Variants in MYRIP observed in about 807,000 individuals in gnomAD.
The protein encoded by MYRIP is rab effector MyRIP.
In MYRIP, 49 loss-of-function variants were observed where a neutral mutation model predicts 98.0. That is an observed-to-expected ratio of 0.50 (90% CI 0.40 to 0.63). MYRIP has a LOEUF of 0.63. Among genes scored for constraint, MYRIP ranks in the 30% least tolerant of loss-of-function variants. The probability of loss-of-function intolerance (pLI) is 0.00; values close to 1 mark genes in which losing one functional copy is unlikely to be tolerated. For missense variants in MYRIP, 1,004 were observed against 1,058.2 expected (o/e 0.95, Z 0.71); for synonymous variants, 404 against 409.5 (o/e 0.99, Z 0.16).
At chr3:40,077,235 C>T (rs1948364358) in intron 3 of MYRIP, among the ~76,000 whole-genome samples, 1 of 152,108 alleles carries the variant, frequency 6.6e-6, no homozygotes, top group African/African-American at 2.4e-5. Context: ...AGATTTATTG[C>T]AAAGAGCGAA....
At chr3:40,217,309 G>A (rs1952153692) in intron 11 of MYRIP, among the ~76,000 whole-genome samples, 1 of 152,080 alleles carries the variant, frequency 6.6e-6, no homozygotes, top group Non-Finnish European at 1.5e-5. Context: ...ATTCATGAGT[G>A]AATAGACATC....
intron 3 of MYRIP, among the ~76,000 whole-genome samples, chr3:40,119,923 A>AAATAAAT (rs1559408547): frequency 4.6e-4 from 70 of 151,806 alleles, no homozygotes; most frequent in African/African-American, 1.4e-3. Context: ...TAATAATAAT[A>AAATAAAT]AAATAAATAA....
At chr3:40,071,908 C>T (rs1010783750) in intron 3 of MYRIP, among the ~76,000 whole-genome samples, 26 of 152,292 alleles carry the variant, frequency 1.7e-4, no homozygotes, top group African/African-American at 5.8e-4. Context: ...AGGGAGCTGG[C>T]CGGTTCTCTG....
intron 1 of MYRIP, among the ~76,000 whole-genome samples, chr3:39,862,607 A>G (rs530780381): frequency 3.3e-5 from 5 of 152,374 alleles, no homozygotes; most frequent in African/African-American, 9.6e-5. Context: ...TATCCTAAAT[A>G]TATACACATC....
chr3:39,954,707 G>A (rs868211386), intron 2 of MYRIP, among the ~76,000 whole-genome samples: 24 of 151,838 alleles, frequency 1.6e-4, no homozygotes, highest in Non-Finnish European at 2.8e-4. Flanking sequence ...TCAGACAATC[G>A]GTAATAACAA....
intron 1 of MYRIP, among the ~76,000 whole-genome samples, chr3:39,899,568 A>T (rs1239840367): frequency 6.6e-6 from 1 of 152,154 alleles, no homozygotes; most frequent in Admixed American, 6.5e-5. Context: ...TATTTTTAAG[A>T]TTATATCTGA....
At chr3:39,835,724 C>G (rs1243253353) in intron 1 of MYRIP, among the ~76,000 whole-genome samples, 1 of 152,130 alleles carries the variant, frequency 6.6e-6, no homozygotes, top group Non-Finnish European at 1.5e-5. Flanking sequence ...GGTATTTCTC[C>G]TAATGCTATC....
intron 1 of MYRIP, among the ~76,000 whole-genome samples, chr3:39,861,715 G>A (rs983271452): frequency 3.9e-5 from 6 of 152,044 alleles, no homozygotes; most frequent in African/African-American, 1.4e-4. Context: ...AGTATTAAGA[G>A]CAGAATCAAC....
chr3:40,244,765 C>A, intron 13 of MYRIP, 158 bp downstream of exon 13: 1 of 824,216 alleles, frequency 1.2e-6, no homozygotes, highest in Non-Finnish European at 1.8e-6. Flanking sequence ...CCACCAAATT[C>A]TCCCTTTAAA....
chr3:40,123,426 G>A (rs572473255), intron 3 of MYRIP, among the ~76,000 whole-genome samples: 1 of 152,342 alleles, frequency 6.6e-6, no homozygotes, highest in Non-Finnish European at 1.5e-5. Context: ...CTCAGAGACT[G>A]TGGCTGGAGC....
intron 13 of MYRIP, among the ~76,000 whole-genome samples, chr3:40,247,083 T>G (rs1953230165): frequency 6.6e-6 from 1 of 152,248 alleles, no homozygotes; most frequent in African/African-American, 2.4e-5. Context: ...AAATACTTCT[T>G]GAATGATTTT....
chr3:39,996,777 T>A (rs576521714), intron 2 of MYRIP, among the ~76,000 whole-genome samples: 2 of 152,152 alleles, frequency 1.3e-5, no homozygotes, highest in Admixed American at 6.6e-5. Context: ...GACCACAGGG[T>A]TGGAAGTAAA....
intron 1 of MYRIP, among the ~76,000 whole-genome samples, chr3:39,870,834 C>A (rs1237030605): frequency 1.3e-5 from 2 of 152,138 alleles, no homozygotes; most frequent in Non-Finnish European, 2.9e-5. Context: ...GATCACAGGG[C>A]TTTCTTTGGG....
At chr3:39,915,847 G>A (rs985304197) in intron 2 of MYRIP, among the ~76,000 whole-genome samples, 19 of 151,344 alleles carry the variant, frequency 1.3e-4, no homozygotes, top group African/African-American at 2.2e-4. Context: ...ATTAATAATC[G>A]TTAATAGATG....
chr3:40,044,677 G>A (rs967138633), intron 3 of MYRIP, among the ~76,000 whole-genome samples: 2 of 152,188 alleles, frequency 1.3e-5, no homozygotes, highest in African/African-American at 2.4e-5. Context: ...GAGGCATAGC[G>A]GATGGTGTGA....
chr3:39,958,946 T>C (rs1483515589), intron 2 of MYRIP, among the ~76,000 whole-genome samples: 1 of 152,128 alleles, frequency 6.6e-6, no homozygotes, highest in Non-Finnish European at 1.5e-5. Context: ...TCACTGGCCA[T>C]CAGAGAAATG....
chr3:40,181,560 C>T (rs1950882825), intron 8 of MYRIP, among the ~76,000 whole-genome samples: 1 of 152,084 alleles, frequency 6.6e-6, no homozygotes, highest in African/African-American at 2.4e-5. Flanking sequence ...AATAAACAAC[C>T]AGTAAAATAT....
chr3:40,002,760 A>G (rs1946547294), intron 2 of MYRIP, among the ~76,000 whole-genome samples: 1 of 152,158 alleles, frequency 6.6e-6, no homozygotes, highest in Admixed American at 6.5e-5. Context: ...TATGATACAC[A>G]TATATGTACA....
intron 1 of MYRIP, among the ~76,000 whole-genome samples, chr3:39,846,145 G>A (rs1185866896): frequency 6.6e-6 from 1 of 152,204 alleles, no homozygotes; most frequent in African/African-American, 2.4e-5. Flanking sequence ...CCACTGTTCA[G>A]CAGGAGTTAA....
Sources: allele counts gnomAD v4.1 joint callset (sites outside exome capture counted in the v4.1 genomes callset), GRCh38; gene constraint gnomAD v4.1.1; transcripts MANE v1.5; gene names NCBI Gene and HGNC (gene_info 2026-07-23, HGNC 2026-07-21).